Variants in DCDC1 observed in about 807,000 individuals in gnomAD.
The protein encoded by DCDC1 is doublecortin domain-containing protein 1.
DCDC1 carries 200 observed loss-of-function variants against 178.3 expected under a neutral mutation model. That is an observed-to-expected ratio of 1.12 (90% CI 1.00 to 1.26). DCDC1 has a LOEUF of 1.26. Among genes scored for constraint, DCDC1 ranks in the 50% most tolerant of loss-of-function variants. The pLI is 0.00. For synonymous variants in DCDC1, 690 were observed against 604.8 expected (o/e 1.14, Z -2.07); for missense variants, 1,983 against 1,749.2 (o/e 1.13, Z -2.38).
chr11:31,212,865 A>G (rs1972753007), intron 9 of DCDC1, among the ~76,000 whole-genome samples: 1 of 152,216 alleles, frequency 6.6e-6, no homozygotes, highest in East Asian at 1.9e-4. Flanking sequence ...AGCAATGCTC[A>G]TTGTAATAGA....
intron 20 of DCDC1, among the ~76,000 whole-genome samples, chr11:30,974,169 A>G (rs1203261922): frequency 1.3e-5 from 2 of 152,106 alleles, no homozygotes; most frequent in African/African-American, 4.8e-5. Context: ...GAGAAATAAA[A>G]AAAGTTATTG....
chr11:30,946,300 A>C (rs1354840080), intron 21 of DCDC1, among the ~76,000 whole-genome samples: 4 of 152,060 alleles, frequency 2.6e-5, no homozygotes, highest in Non-Finnish European at 5.9e-5. Context: ...TCTGTAGAGA[A>C]ATCGGTGCAA....
chr11:31,208,603 T>C (rs1478401156), intron 9 of DCDC1, among the ~76,000 whole-genome samples: 1 of 152,048 alleles, frequency 6.6e-6, no homozygotes, highest in Admixed American at 6.6e-5. Context: ...CTCAATACTT[T>C]CCAAGAGTAA....
intron 7 of DCDC1, among the ~76,000 whole-genome samples, chr11:31,269,114 C>A (rs141301721): frequency 0.013 from 2,030 of 152,190 alleles, 25 homozygotes; most frequent in Non-Finnish European, 0.022. Flanking sequence ...AATGAAAAAT[C>A]TTTGCAGTGT....
intron 11 of DCDC1, among the ~76,000 whole-genome samples, chr11:31,114,866 C>G (rs533338520): frequency 6.6e-6 from 1 of 152,076 alleles, no homozygotes; most frequent in Admixed American, 6.6e-5. Flanking sequence ...AAAGGCAATC[C>G]GAAGCCAGGG....
chr11:30,963,309 A>G (rs149081114), intron 20 of DCDC1, among the ~76,000 whole-genome samples: 2 of 152,272 alleles, frequency 1.3e-5, no homozygotes, highest in African/African-American at 4.8e-5. Context: ...TCATATCTGC[A>G]ACTGGTCATT....
intron 1 of DCDC1, among the ~76,000 whole-genome samples, chr11:31,354,202 C>T (rs934216119): frequency 2.0e-5 from 3 of 152,150 alleles, no homozygotes; most frequent in African/African-American, 7.2e-5. Flanking sequence ...AGGAGAATCT[C>T]CTGAACCTGG....
chr11:31,345,213 A>G (rs1336601368), intron 1 of DCDC1, among the ~76,000 whole-genome samples: 1 of 152,210 alleles, frequency 6.6e-6, no homozygotes, highest in Non-Finnish European at 1.5e-5. Flanking sequence ...TGTAAGACAG[A>G]GTAGCCTATA....
chr11:31,211,219 A>C (rs1972495723), intron 9 of DCDC1, among the ~76,000 whole-genome samples: 1 of 152,190 alleles, frequency 6.6e-6, no homozygotes, highest in Non-Finnish European at 1.5e-5. Flanking sequence ...ACATTATTCA[A>C]ACTATCCTAA....
chr11:31,095,179 G>A (rs1214418266), intron 15 of DCDC1, among the ~76,000 whole-genome samples: 2 of 152,230 alleles, frequency 1.3e-5, no homozygotes, highest in East Asian at 3.9e-4. Context: ...TCTTTATCCA[G>A]TCTATCATTG....
intron 9 of DCDC1, among the ~76,000 whole-genome samples, chr11:31,225,401 C>T (rs2136708172): frequency 6.6e-6 from 1 of 151,696 alleles, no homozygotes; most frequent in South Asian, 2.1e-4. Flanking sequence ...GGTTAAAAGA[C>T]TACATATTGG....
At chr11:31,296,958 A>T (rs1419177831) in intron 6 of DCDC1, among the ~76,000 whole-genome samples, 1 of 152,230 alleles carries the variant, frequency 6.6e-6, no homozygotes, top group South Asian at 2.1e-4. Context: ...CCGTGGGGAC[A>T]CAGAGCCAGA....
intron 14 of DCDC1, among the ~76,000 whole-genome samples, chr11:31,103,300 A>AG (rs1958625324): frequency 6.6e-6 from 1 of 152,226 alleles, no homozygotes; most frequent in African/African-American, 2.4e-5. Flanking sequence ...GAACACTCAC[A>AG]CAGAACATAT....
chr11:30,985,666 G>T (rs992948537), intron 20 of DCDC1, among the ~76,000 whole-genome samples: 6 of 152,182 alleles, frequency 3.9e-5, no homozygotes, highest in Middle Eastern at 3.4e-3. Context: ...AACTATATGA[G>T]TTGCACTGAG....
At position 31,030,645 on chromosome 11, in the gene DCDC1, ACTC is replaced by A. The variant is rs1953561846; in HGVS notation, c.2591+33821_2591+33823del. 4.6e-5 allele frequency among the ~76,000 whole-genome samples: 7 copies of A among 151,642 alleles called. No individual in the cohort carries two copies. The South Asian group carries it at 1.2e-3, about 27-fold the overall frequency. On this transcript the variant is annotated intron_variant, in intron 20 of 38. Coordinates refer to ENST00000684477, the MANE Select transcript of DCDC1 (RefSeq NM_001387274.1). ...AGAGTGCATATGTGCCGCCAAGCCC[ACTC>A]CTCCTCCATCACCCTGACCTCCACG...
rs1261325864 is a variant in DCDC1, at chr11:30,892,818, C to T, written c.5082G>A (p.Glu1694=). The T allele has an allele frequency of 9.3e-6, 15 of 1,613,690 alleles. No individual in the cohort carries two copies. In the South Asian group the frequency reaches 1.2e-4, roughly 13 times the overall value. ...GTYAWGKTIS[E]LLQDCSSRLK... is the part of the protein sequence containing the mutation. Reference sequence around the variant, plus strand: ...AACACTCCTTTCACACTAGATTTACCTCTGAAATAGTTTTGCCCCAGGCAT... The same window carrying T: ...AACACTCCTTTCACACTAGATTTACTTCTGAAATAGTTTTGCCCCAGGCAT... The change falls in exon 36 of 39, where the codon GAG becomes GAA. Residue 1694 remains glutamate, a splice_region_variant and synonymous_variant. Coordinates refer to ENST00000684477, the MANE Select transcript of DCDC1 (RefSeq NM_001387274.1).
intron 20 of DCDC1, among the ~76,000 whole-genome samples, chr11:30,980,483 G>C (rs1232393037): frequency 1.3e-5 from 2 of 152,172 alleles, no homozygotes; most frequent in Non-Finnish European, 2.9e-5. Context: ...AGGTAGACAA[G>C]AGATAGCTCT....
At chr11:30,991,664 CTT>C (rs1207561011) in intron 20 of DCDC1, among the ~76,000 whole-genome samples, 6 of 152,082 alleles carry the variant, frequency 3.9e-5, no homozygotes, top group African/African-American at 1.4e-4. Flanking sequence ...CCTAATTTCT[CTT>C]GTCTTCTCCA....
chr11:31,119,810 AGCCCATTTTCAAAATGTAAAGAG>A (rs142660786), intron 11 of DCDC1, among the ~76,000 whole-genome samples: 3,135 of 152,312 alleles, frequency 0.021, 95 homozygotes, highest in African/African-American at 0.07. Flanking sequence ...CAACCAAATT[AGCCCATTTTCAAAATGTAAAGAG>A]GCCTGGGAAC....
Sources: allele counts gnomAD v4.1 joint callset (sites outside exome capture counted in the v4.1 genomes callset), GRCh38; gene constraint gnomAD v4.1.1; transcripts MANE v1.5; gene names NCBI Gene and HGNC (gene_info 2026-07-23, HGNC 2026-07-21).